Variants in NBPF10 observed in about 807,000 individuals in gnomAD.
NBPF10 encodes NBPF member 10, also known as NBPF family member NBPF10.
Under a neutral mutation model 77.9 loss-of-function variants are expected in NBPF10, and 63 were observed. That is an observed-to-expected ratio of 0.81 (90% CI 0.66 to 1.00). NBPF10 has a LOEUF of 1.00. Ranked by LOEUF, NBPF10 falls within the 50% of genes least tolerant of loss-of-function variation. NBPF10 has a pLI of 0.00. For missense variants in NBPF10, 522 were observed against 679.8 expected (o/e 0.77, Z 2.58); for synonymous variants, 146 against 264.5 (o/e 0.55, Z 4.35).
chr1:146,128,980 C>G (rs1659023072), intron 11 of NBPF10, among the ~76,000 whole-genome samples: 1 of 151,606 alleles, frequency 6.6e-6, no homozygotes, highest in African/African-American at 2.4e-5. Context: ...CCCAAAACCC[C>G]ATCTGTAGGT....
chr1:146,073,694 G>C, intron 80 of NBPF10, 143 bp from the exon 81 acceptor site: 1 of 29,492 alleles, frequency 3.4e-5, no homozygotes. Flanking sequence ...CAGGAGGCCT[G>C]AAGGCTGATC....
At chr1:146,135,994 C>A (rs4068049) in intron 7 of NBPF10, among the ~76,000 whole-genome samples, 48 of 149,624 alleles carry the variant, frequency 3.2e-4, no homozygotes, top group Non-Finnish European at 4.7e-4. Flanking sequence ...GAATGAGAAG[C>A]CGCAGTCAGT....
At chr1:146,068,022 G>A in exon 88 of NBPF10, 3 of 539,742 alleles carry the variant, frequency 5.6e-6, no homozygotes, top group Non-Finnish European at 9.5e-6. Flanking sequence ...CAAGAGCCAA[G>A]CCAAGGTACT....
chr1:146,135,958 G>A (rs201865585), intron 7 of NBPF10, among the ~76,000 whole-genome samples: 8 of 149,848 alleles, frequency 5.3e-5, no homozygotes, highest in East Asian at 4.0e-4. Context: ...GGACAGGGTC[G>A]AGAAGGCAAC....
chr1:146,069,304 G>C (rs1439540671), intron 86 of NBPF10, among the ~76,000 whole-genome samples: 1 of 91,570 alleles, frequency 1.1e-5, no homozygotes, highest in Non-Finnish European at 2.3e-5. Flanking sequence ...CCAACATCTT[G>C]AGAGTAGGAT....
In NBPF10 at chr1:146,125,876, C is replaced by T. The variant is rs587674173; in HGVS notation, c.2026+360G>A. On this transcript the variant is annotated intron_variant, in intron 14 of 89. Transcript: ENST00000583866. ...TGTCTCATCAAATACTCAGATTGTT[C>T]ATGGTAGCGAGGATTTTAGACGCTG... is the stretch of plus-strand genomic sequence containing the variant. Among the ~76,000 whole-genome samples the T allele has an allele frequency of 3.3e-5, 5 of 151,124 alleles. 1 individual carries two copies. The highest frequency in any genetic ancestry group is 5.9e-5 in the Non-Finnish European group (4 of 67,692).
At chr1:146,129,908 T>TAC (rs1553791821) in intron 11 of NBPF10, among the ~76,000 whole-genome samples, 1 of 103,962 alleles carries the variant, frequency 9.6e-6, no homozygotes, top group African/African-American at 4.3e-5. Context: ...TATATATATA[T>TAC]ATATTTTTTA....
intron 71 of NBPF10, among the ~76,000 whole-genome samples, chr1:146,081,007 A>G (rs1553781494): frequency 9.9e-5 from 8 of 80,560 alleles, no homozygotes; most frequent in East Asian, 2.9e-4. Context: ...ACACACACAC[A>G]CACACACACA....
chr1:146,126,251 C>T (rs1553789854), exon 14 of NBPF10: 1 of 1,608,396 alleles, frequency 6.2e-7, no homozygotes, highest in East Asian at 2.2e-5. Context: ...ATGTCAATAG[C>T]CAAGCCAACA....
chr1:146,140,724 G>A (rs4068106), intron 3 of NBPF10, among the ~76,000 whole-genome samples, 168 bp from the exon 4 acceptor site: 7 of 115,442 alleles, frequency 6.1e-5, no homozygotes, highest in Admixed American at 1.8e-4. Context: ...CTGCTCCATC[G>A]GGCAATGCAT....
chr1:146,066,524 C>T (rs782800802), exon 90 of NBPF10: 4 of 688,490 alleles, frequency 5.8e-6, no homozygotes, highest in Non-Finnish European at 9.0e-6. Context: ...TCCTGTAAGA[C>T]TTCACGCTCT....
chr1:146,069,602 T>A (rs781899801), exon 86 of NBPF10: 2 of 1,553,086 alleles, frequency 1.3e-6, no homozygotes, highest in Admixed American at 1.8e-5. Context: ...GGCACTTCTG[T>A]AGGGCTGGCA....
At chr1:146,125,637 A>T in intron 14 of NBPF10, 121 bp from the exon 15 acceptor site, 1 of 524,246 alleles carries the variant, frequency 1.9e-6, no homozygotes, top group Non-Finnish European at 3.4e-6. Context: ...GGACACTGTG[A>T]GAGATATTCT....
intron 17 of NBPF10, among the ~76,000 whole-genome samples, 184 bp from the exon 18 acceptor site, chr1:146,123,462 A>G (rs200912727): frequency 2.9e-4 from 13 of 45,336 alleles, no homozygotes; most frequent in African/African-American, 9.5e-4. Flanking sequence ...AGAATGAAAG[A>G]GAAAGACAGA....
rs1310367980 is a variant in NBPF10, at chr1:146,127,184, A to G, written c.1802-105T>C. Reference sequence around the variant, plus strand: ...CAGGGACATCAGTCTTGTCAGTGTGAGAACAGGAGACTTTCAGAGAAATAT... The same window carrying G: ...CAGGGACATCAGTCTTGTCAGTGTGGGAACAGGAGACTTTCAGAGAAATAT... On this transcript the variant is annotated intron_variant, in intron 12 of 89. Transcript: ENST00000583866. 53 of 592,036 alleles carry G rather than the reference A, an allele frequency of 9.0e-5. 15 individuals carry two copies. The East Asian group carries it at 1.4e-3, about 15-fold the overall frequency. The allele number at this position is 592,036 out of a possible 1,614,324, so 36.7% of individuals were successfully genotyped here. A position where few individuals can be genotyped will look rare whatever the true frequency, so the allele number is the denominator to read the frequency against.
chr1:146,076,290 C>CAG (rs1656042197), intron 77 of NBPF10, among the ~76,000 whole-genome samples: 5 of 11,084 alleles, frequency 4.5e-4, no homozygotes, highest in Non-Finnish European at 1.2e-3. Context: ...CACACACACA[C>CAG]ACACACACAC....
intron 14 of NBPF10, among the ~76,000 whole-genome samples, chr1:146,125,810 C>G (rs1208406533): frequency 6.7e-6 from 1 of 148,526 alleles, no homozygotes; most frequent in African/African-American, 2.5e-5. Flanking sequence ...AAGCAAATGC[C>G]CCCAAATGGT....
chr1:146,109,331 C>CAG (rs1657351021), intron 35 of NBPF10, among the ~76,000 whole-genome samples: 1 of 104,024 alleles, frequency 9.6e-6, no homozygotes, highest in Admixed American at 1.1e-4. Context: ...CACACACACA[C>CAG]ACACACACAC....
At chr1:146,129,895 G>GCA (rs1193850619) in intron 11 of NBPF10, among the ~76,000 whole-genome samples, 2 of 90,106 alleles carry the variant, frequency 2.2e-5, no homozygotes, top group East Asian at 5.2e-4. Flanking sequence ...TTGTGTGTAT[G>GCA]TATATATATA....
Sources: allele counts gnomAD v4.1 joint callset (sites outside exome capture counted in the v4.1 genomes callset), GRCh38; gene constraint gnomAD v4.1.1; transcripts MANE v1.5; gene names NCBI Gene and HGNC (gene_info 2026-07-23, HGNC 2026-07-21).